The following PCNA variants were observed in gnomAD, a reference collection of about 807,000 sequenced individuals.
PCNA encodes the protein proliferating cell nuclear antigen, also known as DNA sliding clamp PCNA.
In PCNA, 4 loss-of-function variants were observed where a neutral mutation model predicts 27.8. The ratio of observed to expected loss-of-function variants is 0.14; its 90% CI spans 0.07 to 0.33. The LOEUF (loss-of-function observed/expected upper bound fraction) is 0.33, where lower values mean the gene tolerates loss of function less well. Among genes scored for constraint, PCNA ranks in the 10% least tolerant of loss-of-function variants. The pLI is 1.00. For missense variants in PCNA, 165 were observed against 327.4 expected (o/e 0.50, Z 3.83); for synonymous variants, 121 against 119.4 (o/e 1.01, Z -0.09).
upstream of PCNA, among the ~76,000 whole-genome samples, chr20:5,120,242 G>A (rs2090509948): frequency 6.6e-6 from 1 of 152,256 alleles, no homozygotes; most frequent in Non-Finnish European, 1.5e-5. Flanking sequence ...CTTTATGGTG[G>A]CTCCTCAGCC....
rs982547821 is a variant in PCNA at position 5,114,971 on chromosome 20, T to C, written c.*312A>G. On this transcript the variant is annotated 3_prime_UTR_variant, in exon 6 of 6. Transcript: ENST00000379143. ...TGCCCTGTGATGTTTGAAATTCAAG[T>C]AACTTTATTTAAATTCAAAAACAAT... is the stretch of plus-strand genomic sequence containing the variant. 3 of 237,402 alleles carry C rather than the reference T, an allele frequency of 1.3e-5. No homozygotes were observed. Among genetic ancestry groups the C allele is most frequent in the Non-Finnish European group, 2.5e-5 (3 of 119,176 alleles). The allele number at this position is 237,402 out of a possible 1,614,324, so 14.7% of individuals were successfully genotyped here. A position where few individuals can be genotyped will look rare whatever the true frequency, so the allele number is the denominator to read the frequency against.
At chr20:5,120,883 T>C (rs1490632569), upstream of PCNA, among the ~76,000 whole-genome samples, 2 of 152,196 alleles carry the variant, frequency 1.3e-5, no homozygotes, top group Non-Finnish European at 2.9e-5. Flanking sequence ...CTCAGCTCAT[T>C]GCAACCTCCG....
upstream of PCNA, among the ~76,000 whole-genome samples, chr20:5,122,745 C>T (rs1298551936): frequency 6.6e-6 from 1 of 152,198 alleles, no homozygotes; most frequent in African/African-American, 2.4e-5. Context: ...TGCATATGCT[C>T]CACTACTCTG....
At chr20:5,120,560 A>C (rs2122911210), upstream of PCNA, among the ~76,000 whole-genome samples, 1 of 151,162 alleles carries the variant, frequency 6.6e-6, no homozygotes, top group East Asian at 1.9e-4. Context: ...TTTTTTTTTC[A>C]AAAATGCACT....
intron 4 of PCNA, 38 bp from the exon 5 acceptor site, chr20:5,115,610 A>G (rs1433631744): frequency 1.9e-6 from 3 of 1,573,506 alleles, no homozygotes; most frequent in South Asian, 1.1e-5. Flanking sequence ...AAACATCAAG[A>G]AAGTTGCAAT....
upstream of PCNA, among the ~76,000 whole-genome samples, chr20:5,124,289 G>T (rs1568521974): frequency 6.6e-6 from 1 of 152,096 alleles, no homozygotes; most frequent in African/African-American, 2.4e-5. Context: ...GATCTCTAGG[G>T]TTTTTTCCTA....
At chr20:5,125,034 C>T (rs561113398) in intron 1 of PCNA, among the ~76,000 whole-genome samples, 1 of 152,312 alleles carries the variant, frequency 6.6e-6, no homozygotes, top group African/African-American at 2.4e-5. Context: ...CTAACATCTT[C>T]ACCTGTCTTA....
intron 3 of PCNA, among the ~76,000 whole-genome samples, 184 bp from the exon 4 acceptor site, chr20:5,117,848 A>G (rs982356051): frequency 1.3e-5 from 2 of 152,260 alleles, no homozygotes; most frequent in African/African-American, 4.8e-5. Context: ...TAAATGCACC[A>G]TCCAGGGAAC....
chr20:5,123,282 AT>A (rs1328213159), upstream of PCNA, among the ~76,000 whole-genome samples: 3 of 152,210 alleles, frequency 2.0e-5, no homozygotes, highest in Non-Finnish European at 4.4e-5. Flanking sequence ...ATGTGATCCA[AT>A]TTACATTTTA....
chr20:5,125,476 TA>T (rs2090541379), intron 1 of PCNA, among the ~76,000 whole-genome samples: 1 of 152,132 alleles, frequency 6.6e-6, no homozygotes, highest in African/African-American at 2.4e-5. Flanking sequence ...AGAAATAAAT[TA>T]ATTAAAATTT....
chr20:5,126,393 A>G (rs889899503), intron 1 of PCNA: 13 of 152,292 alleles, frequency 8.5e-5, no homozygotes, highest in African/African-American at 1.9e-4. Context: ...AAAGCAAAGC[A>G]GACTGAAGCG....
In PCNA at chr20:5,119,837, G is replaced by A. The variant is rs1266073816; in HGVS notation, c.-39C>T. ...CAACAACGCCGCTACAGGCAGGCGG[G>A]AAGGAGGAAAGTCTAGCTGGTTTCG... On this transcript the variant is annotated 5_prime_UTR_variant, in exon 1 of 6. Transcript: ENST00000379143. 8.7e-6 allele frequency: 13 copies of A among 1,497,626 alleles called. No individual in the cohort carries two copies. The highest frequency in any genetic ancestry group is 1.2e-5 in the Non-Finnish European group (13 of 1,100,342). 92.8% of individuals were successfully genotyped at this position (1,497,626 alleles called of 1,614,324 possible). A position where few individuals can be genotyped will look rare whatever the true frequency, so the allele number is the denominator to read the frequency against.
Position 5,115,220 on chromosome 20 carries a change from T to TGC in PCNA, c.*61_*62dup. 1 of 1,263,900 alleles carries TGC rather than the reference T, an allele frequency of 7.9e-7. No individual in the cohort carries two copies. The highest frequency in any genetic ancestry group is 1.2e-6 in the Non-Finnish European group (1 of 868,250). The allele number at this position is 1,263,900 out of a possible 1,614,324, so 78.3% of individuals were successfully genotyped here. A position where few individuals can be genotyped will look rare whatever the true frequency, so the allele number is the denominator to read the frequency against. On this transcript the variant is annotated 3_prime_UTR_variant, in exon 6 of 6. Transcript: ENST00000379143. ...TGGTGACAGAAAAGACTTCAGTATA[T>TGC]GCTGGCATCTTAGAAGCAGTTCTCA...
intron 1 of PCNA, 33 bp from the exon 2 acceptor site, chr20:5,118,899 A>T (rs767746056): frequency 4.8e-6 from 7 of 1,460,502 alleles, no homozygotes; most frequent in Non-Finnish European, 6.7e-6. Context: ...TTTAAAATCA[A>T]CGCCGTCTGC....
upstream of PCNA, among the ~76,000 whole-genome samples, chr20:5,122,594 A>C (rs1366651127): frequency 6.6e-6 from 1 of 152,164 alleles, no homozygotes; most frequent in Non-Finnish European, 1.5e-5. Context: ...ATTTGCATAC[A>C]TCTCAATATC....
Position 5,119,732 on chromosome 20 carries a change from T to C in PCNA, c.67A>G (p.Ile23Val). The change falls in exon 1 of 6, where the codon ATC becomes GTC. Residue 23 changes from isoleucine (I) to valine (V), a missense_variant. Transcript: ENST00000379143. ...CTAATATCCCAGCAGGCCTCGTTGA[T>C]GAGGTCCTTGAGTGCCTCCAACACC... Reference protein sequence around the residue: ...KKVLEALKDLINEACWDISSS... With the variant: ...KKVLEALKDLVNEACWDISSS... The C allele has an allele frequency of 6.3e-7, 1 of 1,593,876 alleles. No individual in the cohort carries two copies. The highest frequency in any genetic ancestry group is 2.3e-5 in the East Asian group (1 of 44,060).
rs768549963 is a variant in PCNA at position 5,119,730 on chromosome 20, G to A, written c.69C>T (p.Ile23=). The A allele has an allele frequency of 6.3e-7, 1 of 1,596,936 alleles. No individual in the cohort carries two copies. Among genetic ancestry groups the A allele is most frequent in the South Asian group, 1.1e-5 (1 of 88,532 alleles). ...KKVLEALKDL[I]NEACWDISSS... ...AGCTAATATCCCAGCAGGCCTCGTT[G>A]ATGAGGTCCTTGAGTGCCTCCAACA... Residue 23 remains isoleucine (I), a synonymous_variant, in exon 1 of 6, where the codon ATC becomes ATT. Transcript: ENST00000379143.
At position 5,119,928 on chromosome 20, in the gene PCNA, G is replaced by T. The variant is rs956415397; in HGVS notation, c.-130C>A. The T allele has an allele frequency of 5.7e-6, 4 of 701,182 alleles. No homozygotes were observed. Among genetic ancestry groups the T allele is most frequent in the Admixed American group, 4.8e-5 (2 of 42,094 alleles). The allele number at this position is 701,182 out of a possible 1,614,324, so 43.4% of individuals were successfully genotyped here. On this transcript the variant is annotated 5_prime_UTR_variant, in exon 1 of 6. Transcript: ENST00000379143. ...ACCGGCTGAGACCTAGAAAGACAAC[G>T]ACCACTCTGCTACGCCTGCAACCGT...
At chr20:5,120,074 G>A (rs2090508340), upstream of PCNA, 1 of 456,666 alleles carries the variant, frequency 2.2e-6, no homozygotes, top group Non-Finnish European at 4.1e-6. Context: ...CATGCTCCCC[G>A]CGAGGCCCGC....
Sources: allele counts gnomAD v4.1 joint callset (sites outside exome capture counted in the v4.1 genomes callset), GRCh38; gene constraint gnomAD v4.1.1; transcripts MANE v1.5; gene names NCBI Gene and HGNC (gene_info 2026-07-23, HGNC 2026-07-21).